The following WWTR1 variants were observed in gnomAD, a reference collection of about 807,000 sequenced individuals.
WWTR1 encodes WW domain containing transcription regulator 1.
A neutral mutation model predicts 40.1 loss-of-function variants in WWTR1; 13 were observed. The ratio of observed to expected loss-of-function variants is 0.32; its 90% CI spans 0.21 to 0.52. The LOEUF (loss-of-function observed/expected upper bound fraction) is 0.52, where lower values mean the gene tolerates loss of function less well. WWTR1 is among the 20% of genes least tolerant of loss of function. The pLI, the probability that WWTR1 is intolerant of heterozygous loss-of-function variation, is 0.97. For synonymous variants in WWTR1, 230 were observed against 210.1 expected (o/e 1.09, Z -0.82); for missense variants, 436 against 523.1 (o/e 0.83, Z 1.63).
intron 4 of WWTR1, among the ~76,000 whole-genome samples, chr3:149,722,747 AT>A (rs756745449): frequency 1.9e-4 from 29 of 150,738 alleles, no homozygotes; most frequent in Non-Finnish European, 3.7e-4. Flanking sequence ...AGACTTGATA[AT>A]TTTCATTGTC....
chr3:149,656,775 TCTCTCTCTCTCTCTCTCA>T lies in WWTR1; in HGVS notation c.431+83_431+100del, dbSNP rs1268719941. 91 of 1,016,782 alleles carry T rather than the reference TCTCTCTCTCTCTCTCTCA, an allele frequency of 8.9e-5. No individual in the cohort carries two copies. In the East Asian group the frequency reaches 2.2e-3, roughly 25 times the overall value. 63.0% of individuals were successfully genotyped at this position (1,016,782 alleles called of 1,614,324 possible). Reference sequence around the variant, plus strand: ...CACCATCTCTCTCTTTCTCTCTCTCTCTCTCTCTCTCTCTCTCACACACACACACACACACACACGAAC... The same window carrying T: ...CACCATCTCTCTCTTTCTCTCTCTCTCACACACACACACACACACACGAAC... On this transcript the variant is annotated intron_variant, in intron 2 of 6. Transcript: ENST00000360632.
rs1006732498 is a variant in WWTR1 at position 149,560,789 on chromosome 3, G to A, written c.568+12075C>T. On this transcript the variant is annotated intron_variant, in intron 3 of 6. Transcript: ENST00000360632. ...GAAAATAATATGGAATGAAATGCAT[G>A]ACATGTACTGGGAAGCAAAATAACT... Among the ~76,000 whole-genome samples the A allele has an allele frequency of 8.5e-5, 13 of 152,290 alleles. 1 individual carries two copies. The highest frequency in any genetic ancestry group is 5.9e-4 in the Admixed American group (9 of 15,300).
At chr3:149,537,513 G>C (rs949270708) in intron 4 of WWTR1, among the ~76,000 whole-genome samples, 17 of 152,284 alleles carry the variant, frequency 1.1e-4, no homozygotes, top group African/African-American at 4.1e-4. Flanking sequence ...TTGTTGTTTA[G>C]TATTTTATAC....
chr3:149,712,098 GAAAGA>G (rs1482417863), intron 5 of WWTR1, among the ~76,000 whole-genome samples: 4 of 152,192 alleles, frequency 2.6e-5, no homozygotes, highest in Admixed American at 6.5e-5. Context: ...GTAATGGAAA[GAAAGA>G]AAAGTGAAGA....
At position 149,518,239 on chromosome 3, in the gene WWTR1, T is replaced by TA. The variant is rs904347346; in HGVS notation, c.*2565dup. ...TCATAAATGTTCTAACTAATTTAACTAAAAAAATCTTCTAGTATTTTCTGA... is the reference window on the plus strand; with the variant it reads ...TCATAAATGTTCTAACTAATTTAACTAAAAAAAATCTTCTAGTATTTTCTGA... On this transcript the variant is annotated 3_prime_UTR_variant, in exon 7 of 7. Coordinates refer to ENST00000360632, the MANE Select transcript of WWTR1 (RefSeq NM_015472.6). 5.3e-5 allele frequency: 8 copies of TA among 152,014 alleles called. No individual in the cohort carries two copies. Among genetic ancestry groups the TA allele is most frequent in the Non-Finnish European group, 1.0e-4 (7 of 67,998 alleles). The allele number at this position is 152,014 out of a possible 1,614,324, so 9.4% of individuals were successfully genotyped here. A position where few individuals can be genotyped will look rare whatever the true frequency, so the allele number is the denominator to read the frequency against.
intron 2 of WWTR1, among the ~76,000 whole-genome samples, chr3:149,586,899 C>T (rs1418207406): frequency 6.6e-6 from 1 of 152,162 alleles, no homozygotes; most frequent in African/African-American, 2.4e-5. Context: ...TGTGAAGGCT[C>T]CTGGAGGGTG....
chr3:149,565,827 C>T (rs1230174652), intron 3 of WWTR1, among the ~76,000 whole-genome samples: 1 of 150,084 alleles, frequency 6.7e-6, no homozygotes, highest in Admixed American at 6.7e-5. Flanking sequence ...AGGAGAATTG[C>T]TTGAACCCGG....
intron 3 of WWTR1, among the ~76,000 whole-genome samples, chr3:149,546,647 A>G (rs1736378002): frequency 6.6e-6 from 1 of 152,238 alleles, no homozygotes; most frequent in African/African-American, 2.4e-5. Context: ...TCCCACATGA[A>G]TTTATCATTT....
intron 4 of WWTR1, among the ~76,000 whole-genome samples, chr3:149,529,214 A>G (rs2107911989): frequency 6.6e-6 from 1 of 152,268 alleles, no homozygotes; most frequent in South Asian, 2.1e-4. Context: ...CAAACCCTAA[A>G]ACCATGGCTA....
rs531942170 is a variant in WWTR1, at chr3:149,534,444, C to A, written c.772-6475G>T. On this transcript the variant is annotated intron_variant, in intron 4 of 6. Transcript: ENST00000360632. ...CCCAGCAATAAAATAGAAAGACCAACCCCTCTACCTCAGACAGTTCAGAGG... is the reference window on the plus strand; with the variant it reads ...CCCAGCAATAAAATAGAAAGACCAAACCCTCTACCTCAGACAGTTCAGAGG... Among the ~76,000 whole-genome samples, 11 of 152,294 alleles carry A rather than the reference C, an allele frequency of 7.2e-5. No homozygotes were observed. The East Asian group carries it at 1.4e-3, about 19-fold the overall frequency.
rs190567007 is a variant in WWTR1 at position 149,602,848 on chromosome 3, C to T, written c.432-29848G>A. On this transcript the variant is annotated intron_variant, in intron 2 of 6. Coordinates refer to ENST00000360632, the MANE Select transcript of WWTR1 (RefSeq NM_015472.6). ...CTAATTTTTGTATTTACAGTAGAGA[C>T]GGGGTTTCACCATGTTGGCCAGGCT... Among the ~76,000 whole-genome samples, 530 of 152,070 alleles carry T rather than the reference C, an allele frequency of 3.5e-3. 6 individuals are homozygous for T. The highest frequency in any genetic ancestry group is 0.012 in the African/African-American group (487 of 41,498).
At chr3:149,688,983 C>G (rs772606977) in intron 1 of WWTR1, among the ~76,000 whole-genome samples, 4 of 152,154 alleles carry the variant, frequency 2.6e-5, no homozygotes, top group Non-Finnish European at 2.9e-5. Context: ...AATTCTGGAG[C>G]TGAAAAATTC....
intron 1 of WWTR1, chr3:149,702,231 A>G (rs1388972715): frequency 6.6e-6 from 1 of 152,584 alleles, no homozygotes; most frequent in African/African-American, 2.4e-5. Flanking sequence ...ATATACTAGC[A>G]AGAATAAGCA....
At chr3:149,556,504 G>A (rs968945680) in intron 3 of WWTR1, among the ~76,000 whole-genome samples, 2 of 152,118 alleles carry the variant, frequency 1.3e-5, no homozygotes. Flanking sequence ...GCTTGAACCC[G>A]GAAGGTGGAG....
chr3:149,579,135 T>C (rs543183581), intron 2 of WWTR1, among the ~76,000 whole-genome samples: 1 of 152,372 alleles, frequency 6.6e-6, no homozygotes, highest in Admixed American at 6.5e-5. Context: ...CTTATTTCTA[T>C]GGGCAAAGAT....
Position 149,542,475 on chromosome 3 carries a change from T to C in WWTR1, c.631A>G (p.Thr211Ala), listed in dbSNP as rs753223907. Reference protein sequence around the residue: ...PSTLSQQNHPTQNPPAGLMSM... With the variant: ...PSTLSQQNHPAQNPPAGLMSM... ...ATGAGCCCTGCGGGTGGGTTCTGAG[T>C]GGGGTGGTTCTGCTGGCTCAGGGTA... is the stretch of plus-strand genomic sequence containing the variant. Residue 211 changes from threonine (T) to alanine (A), a missense_variant, in exon 4 of 7, where the codon ACT (threonine) becomes GCT (alanine). Physicochemically the swap from Thr to Ala is moderately conservative, Grantham distance 58. Transcript: ENST00000360632. 7.4e-6 allele frequency: 12 copies of C among 1,613,798 alleles called. No individual in the cohort carries two copies. In the Admixed American group the frequency reaches 1.7e-4, roughly 22 times the overall value.
intron 4 of WWTR1, among the ~76,000 whole-genome samples, chr3:149,720,957 T>C (rs1294948506): frequency 6.6e-6 from 1 of 152,208 alleles, no homozygotes; most frequent in African/African-American, 2.4e-5. Flanking sequence ...GATTTTTGTG[T>C]GTTGACTTTG....
At position 149,657,226 on chromosome 3, in the gene WWTR1, G is replaced by T; in HGVS notation, c.81C>A (p.Asp27Glu). Reference protein sequence around the residue: ...VIHVTQDLDTDLEALFNSVMN... With the variant: ...VIHVTQDLDTELEALFNSVMN... ...TGACAGAGTTGAAGAGGGCTTCGAG[G>T]TCTGTGTCTAGGTCCTGCGTGACGT... Residue 27 changes from aspartate to glutamate, a missense_variant, in exon 2 of 7, where the codon GAC becomes GAA. Physicochemically the swap from Asp to Glu is conservative, Grantham distance 45. Coordinates refer to ENST00000360632, the MANE Select transcript of WWTR1 (RefSeq NM_015472.6). The T allele has an allele frequency of 6.2e-7, 1 of 1,613,202 alleles. No individual in the cohort carries two copies. Among genetic ancestry groups the T allele is most frequent in the African/African-American group, 1.3e-5 (1 of 75,058 alleles).
At chr3:149,625,132 T>G (rs1456968866) in intron 2 of WWTR1, among the ~76,000 whole-genome samples, 25 of 147,072 alleles carry the variant, frequency 1.7e-4, no homozygotes, top group East Asian at 6.0e-4. Flanking sequence ...GTTTTTTTGG[T>G]TTTTTTTGTG....
Sources: allele counts gnomAD v4.1 joint callset (sites outside exome capture counted in the v4.1 genomes callset), GRCh38; gene constraint gnomAD v4.1.1; transcripts MANE v1.5; gene names NCBI Gene and HGNC (gene_info 2026-07-23, HGNC 2026-07-21).